KIAA0586: variants seen among roughly 807,000 people sequenced by gnomAD.
The protein encoded by KIAA0586 is protein TALPID3.
KIAA0586 carries 144 observed loss-of-function variants against 169.8 expected under a neutral mutation model. That is an observed-to-expected ratio of 0.85 (90% CI 0.74 to 0.97). The LOEUF is 0.97. KIAA0586 is among the 50% of genes least tolerant of loss of function. The probability of loss-of-function intolerance (pLI) is 0.00; values close to 1 mark genes in which losing one functional copy is unlikely to be tolerated. For synonymous variants in KIAA0586, 625 were observed against 612.4 expected (o/e 1.02, Z -0.30); for missense variants, 1,854 against 1,823.0 (o/e 1.02, Z -0.31).
At position 58,457,757 on chromosome 14, in the gene KIAA0586, A is replaced by T; in HGVS notation, c.1363-2A>T. The T allele has an allele frequency of 6.4e-7, 1 of 1,569,178 alleles. No homozygotes were observed. The highest frequency in any genetic ancestry group is 1.9e-5 in the Admixed American group (1 of 51,946). On this transcript the variant is annotated splice_acceptor_variant, in intron 10 of 30. Coordinates refer to ENST00000652326, the MANE Select transcript of KIAA0586 (RefSeq NM_001329943.3). LOFTEE classifies it high-confidence loss of function. Reference sequence around the variant, plus strand: ...AACTTTCTGGTCTTTTTTTCTTTTAAGCCAAAAGAATCTCTGAGTATGTTG... The same window carrying T: ...AACTTTCTGGTCTTTTTTTCTTTTATGCCAAAAGAATCTCTGAGTATGTTG...
intron 29 of KIAA0586, among the ~76,000 whole-genome samples, chr14:58,525,939 G>A (rs374482298): frequency 5.0e-4 from 76 of 152,308 alleles, no homozygotes; most frequent in African/African-American, 1.3e-3. Flanking sequence ...AAACAAAGCC[G>A]CCAGGAAGTT....
chr14:58,559,701 CAA>C, the KIAA0586 span, among the ~76,000 whole-genome samples: 2 of 152,092 alleles, frequency 1.3e-5, no homozygotes, highest in Admixed American at 1.3e-4. Flanking sequence ...AACTCAGTAA[CAA>C]GAGAGGAGCA....
At chr14:58,471,929 A>G (rs919731752) in intron 17 of KIAA0586, among the ~76,000 whole-genome samples, 6 of 152,184 alleles carry the variant, frequency 3.9e-5, no homozygotes, top group Admixed American at 2.6e-4. Context: ...AATTATATCA[A>G]CCTGTTGATC....
chr14:58,511,499 C>T (rs754775324), intron 28 of KIAA0586, among the ~76,000 whole-genome samples: 2 of 152,102 alleles, frequency 1.3e-5, no homozygotes, highest in Admixed American at 6.5e-5. Flanking sequence ...CAGTTTAGCT[C>T]CTGTGGTCAC....
rs1355389291 is a variant in KIAA0586, at chr14:58,437,726, AAAAG to A, written c.411-4979_411-4976del. Among the ~76,000 whole-genome samples the A allele has an allele frequency of 3.3e-5, 5 of 150,464 alleles. No homozygotes were observed. The East Asian group carries it at 9.7e-4, about 29-fold the overall frequency. On this transcript the variant is annotated intron_variant, in intron 4 of 30. Transcript: ENST00000652326. The stretch of plus-strand genomic sequence containing the variant: ...TCTCAAAAAAAAAAAAAAAAAAAAA[AAAAG>A]GCCAAGTTCACAAAAGGGATCCAAG...
intron 20 of KIAA0586, among the ~76,000 whole-genome samples, chr14:58,479,008 A>G (rs966640228): frequency 2.6e-5 from 4 of 152,250 alleles, no homozygotes; most frequent in African/African-American, 9.6e-5. Context: ...TAAAGCTGCT[A>G]TGAACATTTG....
chr14:58,468,576 A>G (rs564829199), intron 16 of KIAA0586, among the ~76,000 whole-genome samples: 2 of 152,372 alleles, frequency 1.3e-5, no homozygotes, highest in African/African-American at 4.8e-5. Flanking sequence ...GACTTGAATG[A>G]ATACAAGACT....
intron 29 of KIAA0586, among the ~76,000 whole-genome samples, chr14:58,516,011 G>A (rs1421663964): frequency 6.6e-6 from 1 of 152,112 alleles, no homozygotes; most frequent in Admixed American, 6.6e-5. Flanking sequence ...AAAGAGATGA[G>A]ACACAAGCAC....
intron 4 of KIAA0586, among the ~76,000 whole-genome samples, chr14:58,438,488 G>A (rs1566783025): frequency 6.6e-6 from 1 of 152,046 alleles, no homozygotes; most frequent in African/African-American, 2.4e-5. Context: ...TTGCTGTTTG[G>A]TATGAAAGAA....
downstream of KIAA0586, among the ~76,000 whole-genome samples, chr14:58,552,833 G>C (rs913725972): frequency 2.0e-5 from 3 of 152,206 alleles, no homozygotes; most frequent in Admixed American, 2.0e-4. Flanking sequence ...TATATGTAAA[G>C]AGTTGAAAGT....
In KIAA0586 at chr14:58,461,525, A is replaced by G. The variant is rs116255343; in HGVS notation, c.2059+365A>G. 6.2e-3 allele frequency among the ~76,000 whole-genome samples: 936 copies of G among 151,954 alleles called. 9 individuals are homozygous for G. Among genetic ancestry groups the G allele is most frequent in the African/African-American group, 0.021 (854 of 41,404 alleles). The stretch of plus-strand genomic sequence containing the variant: ...TCATGGTTCACTGCAGCCTCGACCT[A>G]CTGGGCTCAAGTGATCCTCCCCTCT... On this transcript the variant is annotated intron_variant, in intron 14 of 30. Transcript: ENST00000652326.
At chr14:58,556,918 T>C in the KIAA0586 span, among the ~76,000 whole-genome samples, 3 of 152,302 alleles carry the variant, frequency 2.0e-5, no homozygotes, top group South Asian at 6.2e-4. Flanking sequence ...GCTAATTTTG[T>C]ATTTTTAGTA....
intron 16 of KIAA0586, among the ~76,000 whole-genome samples, chr14:58,469,534 A>C (rs2140976001): frequency 6.6e-6 from 1 of 152,328 alleles, no homozygotes; most frequent in African/African-American, 2.4e-5. Context: ...GTCAATGTGT[A>C]TTGAACGAAT....
At chr14:58,535,889 C>G (rs1269621980) in intron 29 of KIAA0586, among the ~76,000 whole-genome samples, 2 of 151,962 alleles carry the variant, frequency 1.3e-5, no homozygotes, top group Non-Finnish European at 2.9e-5. Flanking sequence ...CCTTATTTTG[C>G]AGTTAACAGC....
chr14:58,463,125 ATGGT>A, intron 14 of KIAA0586, among the ~76,000 whole-genome samples: 1 of 7,556 alleles, frequency 1.3e-4, no homozygotes, highest in Middle Eastern at 0.12. Context: ...AGACACTTGC[ATGGT>A]TCTCTCTCTC....
At chr14:58,429,788 G>A (rs1371190290) in intron 2 of KIAA0586, among the ~76,000 whole-genome samples, 1 of 152,142 alleles carries the variant, frequency 6.6e-6, no homozygotes, top group African/African-American at 2.4e-5. Flanking sequence ...TCTTTAATGT[G>A]AGGTGTGCTT....
At chr14:58,494,468 T>C (rs558964662) in intron 26 of KIAA0586, among the ~76,000 whole-genome samples, 1 of 152,282 alleles carries the variant, frequency 6.6e-6, no homozygotes, top group East Asian at 1.9e-4. Flanking sequence ...TCTGGTTCTT[T>C]TGACCTGTGA....
At chr14:58,543,881 A>G (rs1439753905) in intron 30 of KIAA0586, 1 of 452,030 alleles carries the variant, frequency 2.2e-6, no homozygotes, top group Admixed American at 2.4e-5. Context: ...CTTTTATTTT[A>G]GGTTTGGGGG....
chr14:58,553,667 C>T (rs149697634), downstream of KIAA0586, among the ~76,000 whole-genome samples: 7 of 151,776 alleles, frequency 4.6e-5, no homozygotes, highest in African/African-American at 7.3e-5. Context: ...CCTCAACTTG[C>T]GGTCACTCAT....
Sources: gnomAD v4.1 joint callset for allele counts (sites outside exome capture counted in the v4.1 genomes callset) on GRCh38, gnomAD v4.1.1 for gene constraint, MANE v1.5 for transcripts, NCBI Gene and HGNC (gene_info 2026-07-23, HGNC 2026-07-21) for gene names.